ADAMTS5: variants seen among roughly 807,000 people sequenced by gnomAD.
The protein encoded by ADAMTS5 is A disintegrin and metalloproteinase with thrombospondin motifs 5.
A neutral mutation model predicts 81.4 loss-of-function variants in ADAMTS5; 54 were observed. The ratio of observed to expected loss-of-function variants is 0.66; its 90% confidence interval spans 0.53 to 0.83. The LOEUF (loss-of-function observed/expected upper bound fraction) is 0.83, where lower values mean the gene tolerates loss of function less well. Among genes scored for constraint, ADAMTS5 ranks in the 40% least tolerant of loss-of-function variants. The pLI is 0.00. For synonymous variants in ADAMTS5, 532 were observed against 508.8 expected, an observed-to-expected ratio of 1.05 and a Z score of -0.61; for missense variants, 1,194 against 1,229.9, an observed-to-expected ratio of 0.97 and a Z score of 0.44.
At chr21:26,961,253 G>A (rs960861545) in intron 1 of ADAMTS5, among the ~76,000 whole-genome samples, 3 of 152,224 alleles carry the variant, frequency 2.0e-5, no homozygotes, top group Non-Finnish European at 4.4e-5. Context: ...TTGTTGAAAT[G>A]ATTAATTGTA....
In ADAMTS5 at chr21:26,923,671, C is replaced by T. The variant is rs1986743873; in HGVS notation, c.*382G>A. On this transcript the variant is annotated 3_prime_UTR_variant, in exon 8 of 8. Coordinates refer to ENST00000284987, the MANE Select transcript of ADAMTS5 (RefSeq NM_007038.5). ...TACCAAGGGAGAATGTATTTACAAA[C>T]AGTAAGAAGAAGCTACTGTGTATTA... 1 of 168,604 alleles carries T rather than the reference C, an allele frequency of 5.9e-6. No individual in the cohort carries two copies. The highest frequency in any genetic ancestry group is 2.4e-5 in the African/African-American group (1 of 41,986). The allele number at this position is 168,604 out of a possible 1,614,324, so 10.4% of individuals were successfully genotyped here.
chr21:26,931,140 G>A (rs189028145), intron 6 of ADAMTS5, among the ~76,000 whole-genome samples: 12 of 152,060 alleles, frequency 7.9e-5, no homozygotes, highest in Admixed American at 2.6e-4. Flanking sequence ...TCTGCCTCCC[G>A]AGTTCAAATG....
intron 3 of ADAMTS5, among the ~76,000 whole-genome samples, chr21:26,937,903 T>C (rs999510682): frequency 6.6e-6 from 1 of 152,206 alleles, no homozygotes; most frequent in African/African-American, 2.4e-5. Flanking sequence ...CCCTCCTTCT[T>C]CCTTTTGTTT....
rs766155949 is a variant in ADAMTS5 at position 26,965,615 on chromosome 21, C to G, written c.777G>C (p.Arg259=). Residue 259 remains arginine (R), a synonymous_variant, in exon 1 of 8, where the codon CGG becomes CGC. Transcript: ENST00000284987. ...GGCGGGCCCGGGAGATGGAGCGGCGCCGCCGCCGCCACCACGTCTGCGGTC... is the reference window on the plus strand; with the variant it reads ...GGCGGGCCCGGGAGATGGAGCGGCGGCGCCGCCGCCACCACGTCTGCGGTC... ...GSGPQTWWRR[R]RRSISRARQV... The G allele has an allele frequency of 3.7e-5, 59 of 1,595,856 alleles. No homozygotes were observed. The African/African-American group carries it at 5.8e-4, about 16-fold the overall frequency.
At chr21:26,928,211 G>A (rs1986838943) in intron 7 of ADAMTS5, among the ~76,000 whole-genome samples, 1 of 152,198 alleles carries the variant, frequency 6.6e-6, no homozygotes, top group Non-Finnish European at 1.5e-5. Flanking sequence ...CATGTCTAAG[G>A]AATCATTGAG....
intron 6 of ADAMTS5, among the ~76,000 whole-genome samples, chr21:26,931,170 C>A (rs1194879447): frequency 6.6e-6 from 1 of 152,044 alleles, no homozygotes; most frequent in African/African-American, 2.4e-5. Flanking sequence ...CCTCAGCCTC[C>A]CGAGTAGCTG....
At chr21:26,945,899 G>T (rs1987205843) in intron 2 of ADAMTS5, among the ~76,000 whole-genome samples, 1 of 152,172 alleles carries the variant, frequency 6.6e-6, no homozygotes, top group African/African-American at 2.4e-5. Context: ...TGTGACTTTT[G>T]TAAGATCTCC....
At position 26,966,539 on chromosome 21, in the gene ADAMTS5, C is replaced by G; in HGVS notation, c.-148G>C. On this transcript the variant is annotated 5_prime_UTR_variant, in exon 1 of 8. Coordinates refer to ENST00000284987, the MANE Select transcript of ADAMTS5 (RefSeq NM_007038.5). ...TGTCGGAGGGAGGGGGGCCCGGCAG[C>G]AGCGCCAGCCTGTCCGGGCTGCGGT... 5.6e-6 allele frequency: 4 copies of G among 717,040 alleles called. No homozygotes were observed. The highest frequency in any genetic ancestry group is 8.0e-6 in the Non-Finnish European group (4 of 502,098). The allele number at this position is 717,040 out of a possible 1,614,324, so 44.4% of individuals were successfully genotyped here.
At chr21:26,945,058 G>C (rs1457697489) in intron 2 of ADAMTS5, among the ~76,000 whole-genome samples, 3 of 151,516 alleles carry the variant, frequency 2.0e-5, no homozygotes, top group Non-Finnish European at 4.4e-5. Flanking sequence ...TATATATAAA[G>C]TATGTCCCAA....
In ADAMTS5 at chr21:26,925,510, C is replaced by A. The variant is rs148570835; in HGVS notation, c.2226-890G>T. Among the ~76,000 whole-genome samples the A allele has an allele frequency of 4.3e-3, 651 of 152,226 alleles. 6 individuals are homozygous for A. The highest frequency in any genetic ancestry group is 0.028 in the South Asian group (137 of 4,812). On this transcript the variant is annotated intron_variant, in intron 7 of 7. Transcript: ENST00000284987. ...GGGAAAGACACAAATATCTTTAATA[C>A]CCATAAACCTGTGAGGAATGCTAGG...
intron 3 of ADAMTS5, among the ~76,000 whole-genome samples, chr21:26,938,420 T>C (rs897208837): frequency 1.3e-5 from 2 of 152,182 alleles, no homozygotes; most frequent in Admixed American, 6.5e-5. Context: ...CTAAAGGTGT[T>C]GGAAGGAATG....
rs1285309665 is a variant in ADAMTS5, at chr21:26,919,866, CAA to C, written c.*4185_*4186del. 1 of 152,000 alleles carries C rather than the reference CAA, an allele frequency of 6.6e-6. No individual in the cohort carries two copies. Among genetic ancestry groups the C allele is most frequent in the African/African-American group, 2.4e-5 (1 of 41,412 alleles). The allele number at this position is 152,000 out of a possible 1,614,324, so 9.4% of individuals were successfully genotyped here. A position where few individuals can be genotyped will look rare whatever the true frequency, so the allele number is the denominator to read the frequency against. Reference sequence around the variant, plus strand: ...TGAGAAAAATAATAGGGAAAACATACAAGTTCCTTTTCTGTGTGTCTAAATGA... The same window carrying C: ...TGAGAAAAATAATAGGGAAAACATACGTTCCTTTTCTGTGTGTCTAAATGA... On this transcript the variant is annotated 3_prime_UTR_variant, in exon 8 of 8. Coordinates refer to ENST00000284987, the MANE Select transcript of ADAMTS5 (RefSeq NM_007038.5).
rs541590677 is a variant in ADAMTS5, at chr21:26,963,854, C to A, written c.1104+1434G>T. ...GGAAAAAAATGTTTTCCATTGTGCACAGCACTGCGCGCTGCTTGGCTCTCC... is the reference window on the plus strand; with the variant it reads ...GGAAAAAAATGTTTTCCATTGTGCAAAGCACTGCGCGCTGCTTGGCTCTCC... On this transcript the variant is annotated intron_variant, in intron 1 of 7. Transcript: ENST00000284987. 1.2e-3 allele frequency among the ~76,000 whole-genome samples: 190 copies of A among 152,132 alleles called. 1 individual carries two copies. In the Middle Eastern group the frequency reaches 0.014, roughly 11 times the overall value.
At chr21:26,931,727 C>T (rs1986911044) in intron 6 of ADAMTS5, among the ~76,000 whole-genome samples, 1 of 152,256 alleles carries the variant, frequency 6.6e-6, no homozygotes, top group African/African-American at 2.4e-5. Flanking sequence ...GTTAAGGTCA[C>T]ACTTTGCCTT....
chr21:26,939,196 T>C (rs1480414130), intron 3 of ADAMTS5, among the ~76,000 whole-genome samples: 1 of 152,158 alleles, frequency 6.6e-6, no homozygotes, highest in Non-Finnish European at 1.5e-5. Flanking sequence ...CAGACAATTG[T>C]TGTCAAAAAG....
In ADAMTS5 at chr21:26,954,847, C is replaced by A; in HGVS notation, c.1129G>T (p.Asp377Tyr). 6.2e-7 allele frequency: 1 copy of A among 1,614,000 alleles called. No homozygotes were observed. The highest frequency in any genetic ancestry group is 1.1e-5 in the South Asian group (1 of 91,066). The change falls in exon 2 of 8, where the codon GAC (aspartate) becomes TAC (tyrosine). Residue 377 changes from aspartate (D) to tyrosine (Y), a missense_variant. Asp to Tyr is a radical substitution (Grantham distance 160, BLOSUM62 -3). Transcript: ENST00000284987. The stretch of plus-strand genomic sequence containing the variant: ...CCAACGTCTGCCATTCCCAGGGTGT[C>A]ACATGAATGATGCCCACATAAATCC... ...REDLCGHHSC[D>Y]TLGMADVGTI...
intron 3 of ADAMTS5, among the ~76,000 whole-genome samples, chr21:26,936,131 G>A (rs987937370): frequency 7.9e-5 from 12 of 152,162 alleles, no homozygotes; most frequent in Non-Finnish European, 1.2e-4. Flanking sequence ...GTGAGTAGCT[G>A]CCTGATTGTA....
At chr21:26,954,703 T>C in intron 2 of ADAMTS5, 36 bp downstream of exon 2, 1 of 1,607,604 alleles carries the variant, frequency 6.2e-7, no homozygotes, top group Non-Finnish European at 8.5e-7. Flanking sequence ...TTACAAGTGT[T>C]TGATTTGGTG....
At chr21:26,928,889 T>G (rs935268209) in intron 7 of ADAMTS5, among the ~76,000 whole-genome samples, 2 of 152,158 alleles carry the variant, frequency 1.3e-5, no homozygotes, top group Non-Finnish European at 2.9e-5. Flanking sequence ...ACTGATCATC[T>G]CCAAGGTGTT....
Sources: allele counts gnomAD v4.1 joint callset (sites outside exome capture counted in the v4.1 genomes callset), GRCh38; gene constraint gnomAD v4.1.1; transcripts MANE v1.5; gene names NCBI Gene and HGNC (gene_info 2026-07-23, HGNC 2026-07-21).